The following KIDINS220 variants were observed in gnomAD, a reference collection of about 807,000 sequenced individuals.
KIDINS220 encodes the protein kinase D-interacting substrate of 220 kDa.
Under a neutral mutation model 157.6 loss-of-function variants are expected in KIDINS220, and 63 were observed. The observed-to-expected ratio is 0.40, with a 90% CI of 0.33 to 0.49. The LOEUF is 0.49. KIDINS220 is among the 20% of genes least tolerant of loss of function. The probability of loss-of-function intolerance (pLI) is 0.66; values close to 1 mark genes in which losing one functional copy is unlikely to be tolerated. For synonymous variants in KIDINS220, 732 were observed against 783.6 expected (o/e 0.93, Z 1.10); for missense variants, 1,772 against 2,171.2 (o/e 0.82, Z 3.65).
chr2:8,808,921 C>T (rs186231823), intron 6 of KIDINS220, among the ~76,000 whole-genome samples: 56 of 152,324 alleles, frequency 3.7e-4, no homozygotes, highest in African/African-American at 1.3e-3. Context: ...CCCTAAAAAA[C>T]TAGTTTCTGC....
At chr2:8,748,533 G>A (rs922314918) in intron 24 of KIDINS220, among the ~76,000 whole-genome samples, 1 of 152,086 alleles carries the variant, frequency 6.6e-6, no homozygotes, top group African/African-American at 2.4e-5. Context: ...AAATAAGCAA[G>A]CATATTTTTT....
intron 13 of KIDINS220, among the ~76,000 whole-genome samples, 184 bp downstream of exon 13, chr2:8,790,876 T>C (rs1247634818): frequency 2.0e-5 from 3 of 152,058 alleles, no homozygotes; most frequent in South Asian, 2.1e-4. Context: ...TATCACACAA[T>C]TGGATCTGCT....
intron 8 of KIDINS220, 45 bp from the exon 9 acceptor site, chr2:8,800,543 CAAAT>C: frequency 7.8e-7 from 1 of 1,280,200 alleles, no homozygotes; most frequent in Non-Finnish European, 1.1e-6. Flanking sequence ...AAATTGACAA[CAAAT>C]AAGCACTCTT....
chr2:8,779,899 C>A, intron 17 of KIDINS220, 85 bp from the exon 18 acceptor site: 1 of 1,414,720 alleles, frequency 7.1e-7, no homozygotes, highest in South Asian at 1.2e-5. Flanking sequence ...GATAGAAAGT[C>A]ATCTAATAGG....
At chr2:8,742,544 C>T (rs1665772567) in intron 26 of KIDINS220, among the ~76,000 whole-genome samples, 1 of 152,172 alleles carries the variant, frequency 6.6e-6, no homozygotes, top group African/African-American at 2.4e-5. Context: ...GTTAACACTG[C>T]CTTTGCAGTT....
Position 8,779,739 on chromosome 2 carries a change from G to A in KIDINS220, c.2305C>T (p.Leu769=), listed in dbSNP as rs765451742. 1.2e-6 allele frequency: 2 copies of A among 1,614,044 alleles called. No individual in the cohort carries two copies. The highest frequency in any genetic ancestry group is 2.7e-5 in the African/African-American group (2 of 74,936). Residue 769 remains leucine, a synonymous_variant, in exon 18 of 30, where the codon CTG becomes TTG. Transcript: ENST00000256707. ...IDSFTQNQTR[L]VVIIDGLDAC... is the part of the protein sequence containing the mutation. ...TCTAATCCATCGATGATGACCACCA[G>A]CCTTGTCTGATTCTGAGTGAAGCTG...
chr2:8,723,489 C>G (rs1021625021), downstream of KIDINS220: 82 of 152,348 alleles, frequency 5.4e-4, 1 homozygote, highest in African/African-American at 1.9e-3. Flanking sequence ...AGCGGTTACC[C>G]TCCCTCAACA....
chr2:8,733,771 A>G, intron 28 of KIDINS220, 91 bp from the exon 29 acceptor site: 1 of 832,326 alleles, frequency 1.2e-6, no homozygotes, highest in Admixed American at 3.0e-5. Context: ...TTATAAAGCT[A>G]TTGCAACAGC....
At position 8,779,054 on chromosome 2, in the gene KIDINS220, A is replaced by C; in HGVS notation, c.2456T>G (p.Leu819Arg). 6.2e-7 allele frequency: 1 copy of C among 1,614,130 alleles called. No homozygotes were observed. ...HIIIKAINQN[L>R]NSVLRDSNIN... is the part of the protein sequence containing the mutation. The stretch of plus-strand genomic sequence containing the variant: ...ATTTGAATCCCGAAGCACACTATTG[A>C]GGTTCTGGTTAATTGCCTTTATGAT... The change falls in exon 19 of 30, where the codon CTC (leucine) becomes CGC (arginine). Residue 819 changes from leucine to arginine, a missense_variant. Physicochemically the swap from Leu to Arg is moderately radical, Grantham distance 102 (BLOSUM62 -2). Transcript: ENST00000256707.
intron 22 of KIDINS220, among the ~76,000 whole-genome samples, chr2:8,759,987 A>G (rs1018750824): frequency 1.3e-5 from 2 of 152,220 alleles, no homozygotes; most frequent in Non-Finnish European, 2.9e-5. Flanking sequence ...ATAGCAGCAG[A>G]GCGGGTACCT....
At chr2:8,739,591 A>G (rs1174681464) in intron 26 of KIDINS220, among the ~76,000 whole-genome samples, 2 of 152,130 alleles carry the variant, frequency 1.3e-5, no homozygotes, top group Non-Finnish European at 2.9e-5. Flanking sequence ...AAGGGCAAAA[A>G]GCATATTCAA....
chr2:8,798,849 TA>T (rs1245149818), intron 9 of KIDINS220, among the ~76,000 whole-genome samples: 1 of 152,054 alleles, frequency 6.6e-6, no homozygotes, highest in Non-Finnish European at 1.5e-5. Context: ...AAAGTAGAGC[TA>T]GAGAACAACA....
At chr2:8,763,181 GA>G (rs1669004434) in intron 22 of KIDINS220, among the ~76,000 whole-genome samples, 1 of 152,218 alleles carries the variant, frequency 6.6e-6, no homozygotes, top group Admixed American at 6.5e-5. Flanking sequence ...GGCAGCTACA[GA>G]GGACAGGCTC....
At chr2:8,745,431 C>A (rs1666405142) in intron 26 of KIDINS220, among the ~76,000 whole-genome samples, 2 of 152,158 alleles carry the variant, frequency 1.3e-5, no homozygotes, top group South Asian at 4.1e-4. Flanking sequence ...TAATCATCAA[C>A]CTCTCAACGA....
At chr2:8,775,411 G>T (rs1426514728) in intron 21 of KIDINS220, among the ~76,000 whole-genome samples, 2 of 152,134 alleles carry the variant, frequency 1.3e-5, no homozygotes, top group African/African-American at 4.8e-5. Flanking sequence ...ATGGCAAAGG[G>T]AGATGAAGGC....
At chr2:8,740,309 C>T (rs1006384548) in intron 26 of KIDINS220, 15 of 277,884 alleles carry the variant, frequency 5.4e-5, no homozygotes, top group Non-Finnish European at 1.1e-5. Flanking sequence ...TCACTCTGAA[C>T]GGACCACGGA....
Position 8,800,477 on chromosome 2 carries a change from CA to C in KIDINS220, c.822del (p.Ile274MetfsTer22). 1 of 1,612,204 alleles carries C rather than the reference CA, an allele frequency of 6.2e-7. No homozygotes were observed. Among genetic ancestry groups the C allele is most frequent in the Non-Finnish European group, 8.5e-7 (1 of 1,179,268 alleles). ...IPDRSGDTVL[I>X]GAVRGGHVEI... ...TCAACATGACCACCTCTGACAGCGCCAATCAACACAGTATCCCCACTCTAAG... is the reference window on the plus strand; with the variant it reads ...TCAACATGACCACCTCTGACAGCGCCATCAACACAGTATCCCCACTCTAAG... On this transcript the variant is annotated frameshift_variant, in exon 9 of 30. Transcript: ENST00000256707. LOFTEE classifies it high-confidence loss of function.
intron 26 of KIDINS220, among the ~76,000 whole-genome samples, chr2:8,744,363 CAAAAAAAAA>C (rs547083543): frequency 0.05 from 445 of 8,926 alleles, 2 homozygotes; most frequent in South Asian, 0.062. Flanking sequence ...TTCCTCATGG[CAAAAAAAAA>C]AAAAAAAAAA....
At chr2:8,757,582 A>G (rs1051211518) in intron 22 of KIDINS220, 6 of 1,547,478 alleles carry the variant, frequency 3.9e-6, no homozygotes, top group Admixed American at 1.9e-5. Flanking sequence ...TGGTTGCTGA[A>G]GTTTTGAATA....
Sources: allele counts gnomAD v4.1 joint callset (sites outside exome capture counted in the v4.1 genomes callset), GRCh38; gene constraint gnomAD v4.1.1; transcripts MANE v1.5; gene names NCBI Gene and HGNC (gene_info 2026-07-23, HGNC 2026-07-21).